KALRN: variants seen among roughly 807,000 people sequenced by gnomAD.
KALRN encodes kalirin.
Under a neutral mutation model 353.7 loss-of-function variants are expected in KALRN, and 70 were observed. That is an observed-to-expected ratio of 0.20 (90% confidence interval 0.16 to 0.24). The LOEUF (loss-of-function observed/expected upper bound fraction) is 0.24, where lower values mean the gene tolerates loss of function less well. KALRN is among the 10% of genes least tolerant of loss of function. The pLI is 1.00. For missense variants in KALRN, 2,791 were observed against 3,756.7 expected (o/e 0.74, Z 6.72); for synonymous variants, 1,391 against 1,434.8 (o/e 0.97, Z 0.69).
Position 124,234,954 on chromosome 3 carries a change from G to T in KALRN, c.263+11G>T. 1 of 1,580,984 alleles carries T rather than the reference G, an allele frequency of 6.3e-7. No individual in the cohort carries two copies. Among genetic ancestry groups the T allele is most frequent in the East Asian group, 2.3e-5 (1 of 43,506 alleles). ...GGCCAGCGTGCCAAGGTAAGGGGAAGGGGAATGGCCTGCAGGGGAGCGGGA... is the reference window on the plus strand; with the variant it reads ...GGCCAGCGTGCCAAGGTAAGGGGAATGGGAATGGCCTGCAGGGGAGCGGGA... On this transcript the variant is annotated intron_variant, in intron 3 of 59. Transcript: ENST00000682506.
chr3:124,441,535 TAAG>T (rs966201827), intron 18 of KALRN, among the ~76,000 whole-genome samples: 1 of 152,130 alleles, frequency 6.6e-6, no homozygotes, highest in Non-Finnish European at 1.5e-5. Flanking sequence ...CTAAAAAGTA[TAAG>T]GAGGAGCCAG....
chr3:124,565,373 G>A (rs935394636), intron 34 of KALRN, among the ~76,000 whole-genome samples: 1 of 152,168 alleles, frequency 6.6e-6, no homozygotes, highest in Admixed American at 6.5e-5. Flanking sequence ...ATCTGGTTCC[G>A]CTTGAAGTCT....
rs2063417208 is a variant in KALRN at position 124,726,216 on chromosome 3, C to CCTG, written c.*6750_*6752dup. 1 of 152,210 alleles carries CCTG rather than the reference C, an allele frequency of 6.6e-6. No individual in the cohort carries two copies. The highest frequency in any genetic ancestry group is 1.5e-5 in the Non-Finnish European group (1 of 68,006). The allele number at this position is 152,210 out of a possible 1,614,324, so 9.4% of individuals were successfully genotyped here. A position where few individuals can be genotyped will look rare whatever the true frequency, so the allele number is the denominator to read the frequency against. On this transcript the variant is annotated 3_prime_UTR_variant, in exon 60 of 60. Coordinates refer to ENST00000682506, the MANE Select transcript of KALRN (RefSeq NM_001388419.1). Reference sequence around the variant, plus strand: ...CATGTGTAATGTTGTAAAGTGATGACCTGCTGTCTTGTTACTGCTACAGTA... The same window carrying CCTG: ...CATGTGTAATGTTGTAAAGTGATGACCTGCTGCTGTCTTGTTACTGCTACAGTA...
chr3:124,661,290 C>T (rs779081843), intron 44 of KALRN, among the ~76,000 whole-genome samples: 1 of 152,172 alleles, frequency 6.6e-6, no homozygotes, highest in Non-Finnish European at 1.5e-5. Context: ...TGCACAAAAG[C>T]CTCAGTATGC....
intron 1 of KALRN, among the ~76,000 whole-genome samples, chr3:124,130,268 C>A (rs2149684909): frequency 6.6e-6 from 1 of 152,188 alleles, no homozygotes; most frequent in South Asian, 2.1e-4. Flanking sequence ...AGAGTGAAAT[C>A]CTTAGATATT....
At chr3:124,283,317 C>A (rs543276953) in intron 5 of KALRN, among the ~76,000 whole-genome samples, 2 of 152,282 alleles carry the variant, frequency 1.3e-5, no homozygotes, top group South Asian at 4.2e-4. Flanking sequence ...AATTTAGCTC[C>A]GGGATAAAGT....
intron 57 of KALRN, among the ~76,000 whole-genome samples, chr3:124,709,641 C>T (rs557121962): frequency 1.1e-4 from 16 of 151,718 alleles, no homozygotes; most frequent in East Asian, 9.7e-4. Context: ...TCTGAGCAAC[C>T]GGAAAATAAA....
At chr3:124,642,231 C>T (rs772780579) in intron 37 of KALRN, among the ~76,000 whole-genome samples, 49 of 151,908 alleles carry the variant, frequency 3.2e-4, no homozygotes, top group Non-Finnish European at 5.6e-4. Flanking sequence ...TTGCAGTGAG[C>T]CGAGATCGCG....
At position 124,562,997 on chromosome 3, in the gene KALRN, C is replaced by A. The variant is rs78202770; in HGVS notation, c.5090C>A (p.Pro1697Gln). 9,581 of 1,367,892 alleles carry A rather than the reference C, an allele frequency of 7.0e-3. 66 individuals are homozygous for A. Among genetic ancestry groups the A allele is most frequent in the East Asian group, 0.044 (972 of 21,978 alleles). 84.7% of individuals were successfully genotyped at this position (1,367,892 alleles called of 1,614,324 possible). A position where few individuals can be genotyped will look rare whatever the true frequency, so the allele number is the denominator to read the frequency against. The stretch of plus-strand genomic sequence containing the variant: ...CTGGTCCGTACCACCGAACGGAGCC[C>A]GCCCTTGGAGGGTCTGGTCCCCAGC... ...WCLVRTTERS[P>Q]PLEGLVPSSA... is the part of the protein sequence containing the mutation. The change falls in exon 34 of 60, where the codon CCG (proline) becomes CAG (glutamine). Residue 1697 changes from proline to glutamine, a missense_variant. Physicochemically the swap from Pro to Gln is moderately conservative, Grantham distance 76. Coordinates refer to ENST00000682506, the MANE Select transcript of KALRN (RefSeq NM_001388419.1).
chr3:124,342,901 T>TC (rs1289342082), intron 9 of KALRN, among the ~76,000 whole-genome samples: 2 of 152,332 alleles, frequency 1.3e-5, no homozygotes, highest in African/African-American at 4.8e-5. Context: ...ACTCATTCAC[T>TC]CCTGTACCAG....
chr3:124,380,600 G>A (rs1210301514), intron 10 of KALRN, among the ~76,000 whole-genome samples: 1 of 152,208 alleles, frequency 6.6e-6, no homozygotes, highest in African/African-American at 2.4e-5. Flanking sequence ...GCAGAGACTA[G>A]GAGACTGGGA....
intron 25 of KALRN, among the ~76,000 whole-genome samples, chr3:124,464,638 C>A (rs916549442): frequency 6.6e-6 from 1 of 151,990 alleles, no homozygotes; most frequent in Non-Finnish European, 1.5e-5. Context: ...AACAACTAGC[C>A]TCTCAACAAC....
At chr3:124,416,795 C>A (rs2092527958) in intron 14 of KALRN, among the ~76,000 whole-genome samples, 1 of 152,168 alleles carries the variant, frequency 6.6e-6, no homozygotes, top group South Asian at 2.1e-4. Context: ...GATTTATAGT[C>A]TTTGTTTAAT....
intron 10 of KALRN, among the ~76,000 whole-genome samples, chr3:124,381,801 A>G (rs988174649): frequency 2.6e-5 from 4 of 152,248 alleles, no homozygotes; most frequent in African/African-American, 9.6e-5. Context: ...TGAGTAAGAC[A>G]TGGAAACTGC....
intron 33 of KALRN, among the ~76,000 whole-genome samples, chr3:124,529,718 G>A (rs1351870961): frequency 6.6e-6 from 1 of 151,640 alleles, no homozygotes; most frequent in African/African-American, 2.4e-5. Flanking sequence ...TTCTACACAT[G>A]AGCTTTTAAA....
chr3:124,233,113 C>A (rs1284961556), intron 2 of KALRN, among the ~76,000 whole-genome samples: 1 of 152,096 alleles, frequency 6.6e-6, no homozygotes, highest in African/African-American at 2.4e-5. Context: ...GCCCTCCAAG[C>A]CACCCTTTGC....
chr3:124,694,193 A>T, intron 52 of KALRN, 139 bp from the exon 53 acceptor site: 2 of 756,386 alleles, frequency 2.6e-6, no homozygotes, highest in Non-Finnish European at 2.2e-6. Context: ...GACCCAGATG[A>T]CTCACCAGTG....
chr3:124,706,212 T>A (rs922477376), intron 57 of KALRN, among the ~76,000 whole-genome samples: 14 of 151,622 alleles, frequency 9.2e-5, no homozygotes, highest in African/African-American at 3.4e-4. Flanking sequence ...TGGCCTGGAG[T>A]TTTATTTTCT....
intron 8 of KALRN, among the ~76,000 whole-genome samples, chr3:124,331,435 A>G (rs554143655): frequency 6.6e-6 from 1 of 152,332 alleles, no homozygotes; most frequent in East Asian, 1.9e-4. Flanking sequence ...CTATTTAAAT[A>G]AATAAATCAA....
Sources: allele counts gnomAD v4.1 joint callset (sites outside exome capture counted in the v4.1 genomes callset), GRCh38; gene constraint gnomAD v4.1.1; transcripts MANE v1.5; gene names NCBI Gene and HGNC (gene_info 2026-07-23, HGNC 2026-07-21).